The following NFKB2 variants were observed in gnomAD, a reference collection of about 807,000 sequenced individuals.
The protein encoded by NFKB2 is nuclear factor kappa B subunit 2, also known as nuclear factor NF-kappa-B p100 subunit.
Under a neutral mutation model 109.3 loss-of-function variants are expected in NFKB2, and 21 were observed. The observed-to-expected ratio is 0.19, with a 90% CI of 0.14 to 0.28. The LOEUF (loss-of-function observed/expected upper bound fraction) is 0.28, where lower values mean the gene tolerates loss of function less well. Among genes scored for constraint, NFKB2 ranks in the 10% least tolerant of loss-of-function variants. The pLI is 1.00. For synonymous variants in NFKB2, 478 were observed against 489.9 expected (o/e 0.98, Z 0.32); for missense variants, 806 against 1,185.3 (o/e 0.68, Z 4.70).
In NFKB2 at chr10:102,401,396, C is replaced by G; in HGVS notation, c.2224-53C>G. The G allele has an allele frequency of 6.2e-7, 1 of 1,613,344 alleles. No homozygotes were observed. The highest frequency in any genetic ancestry group is 2.2e-5 in the East Asian group (1 of 44,868). On this transcript the variant is annotated intron_variant, in intron 19 of 22. Transcript: ENST00000661543. This position sits in a 1 kb window ranked among gnomAD's most constrained non-coding sequence, Gnocchi z 4.2. ...GGTCCAGAGTATCTGGACTTAAAGA[C>G]ACAGGCTTAAGGACGAGGTGGGAGG...
chr10:102,396,028 T>TGG lies in NFKB2; in HGVS notation c.21+49_21+50insGG. 1 of 1,609,858 alleles carries TGG rather than the reference T, an allele frequency of 6.2e-7. No individual in the cohort carries two copies. Among genetic ancestry groups the TGG allele is most frequent in the Non-Finnish European group, 8.5e-7 (1 of 1,179,142 alleles). On this transcript the variant is annotated intron_variant, in intron 2 of 22. Coordinates refer to ENST00000661543, the MANE Select transcript of NFKB2 (RefSeq NM_001322934.2). The surrounding 1 kb of genome is among the most constrained non-coding windows in gnomAD (Gnocchi z 5.9). Reference sequence around the variant, plus strand: ...GACCCGGCCGGCTGCCCCTCGTGTCTGTCCACCTGTCTGCCCGAGCCCCCT... The same window carrying TGG: ...GACCCGGCCGGCTGCCCCTCGTGTCTGGGTCCACCTGTCTGCCCGAGCCCCCT...
chr10:102,398,480 C>T lies in NFKB2; in HGVS notation c.948C>T (p.Asp316=), dbSNP rs901851623. ...AACTGAAACGCAAGCGAGGAGGGGA[C>T]GTGTCTGATTCCAAACAGTTCACCT... ...FLQLKRKRGG[D]VSDSKQFTYY... The change falls in exon 11 of 23, where the codon GAC becomes GAT. Residue 316 remains aspartate, a synonymous_variant. Transcript: ENST00000661543. This position sits in a 1 kb window ranked among gnomAD's most constrained non-coding sequence, Gnocchi z 6.6. 6 of 1,613,960 alleles carry T rather than the reference C, an allele frequency of 3.7e-6. No homozygotes were observed. Among genetic ancestry groups the T allele is most frequent in the Admixed American group, 1.7e-5 (1 of 59,994 alleles).
Position 102,397,707 on chromosome 10 carries a change from G to C in NFKB2, c.661+22G>C, listed in dbSNP as rs2061142391. On this transcript the variant is annotated intron_variant, in intron 8 of 22. Coordinates refer to ENST00000661543, the MANE Select transcript of NFKB2 (RefSeq NM_001322934.2). This position sits in a 1 kb window ranked among gnomAD's most constrained non-coding sequence, Gnocchi z 4.7. ...AGCAGTGAGTATCCTGATTGCCTGGGGTGCCAGGCCTGGTGGCAGAGGTGG... is the reference window on the plus strand; with the variant it reads ...AGCAGTGAGTATCCTGATTGCCTGGCGTGCCAGGCCTGGTGGCAGAGGTGG... 1.3e-6 allele frequency: 2 copies of C among 1,594,298 alleles called. No individual in the cohort carries two copies. The highest frequency in any genetic ancestry group is 2.3e-5 in the East Asian group (1 of 44,344).
rs1180937715 is a variant in NFKB2, at chr10:102,399,847, T to TCAAGCTGCTTGGTCTCTC, written c.1469+133_1469+150dup. 7.8e-5 allele frequency: 106 copies of TCAAGCTGCTTGGTCTCTC among 1,356,306 alleles called. No individual in the cohort carries two copies. In the East Asian group the frequency reaches 2.4e-3, roughly 31 times the overall value. The allele number at this position is 1,356,306 out of a possible 1,614,324, so 84.0% of individuals were successfully genotyped here. ...CGGCCTCGGTGTTCACAAGCTCTGT[T>TCAAGCTGCTTGGTCTCTC]CAAGCTGCTTGGTCTCTCCAAACTT... On this transcript the variant is annotated intron_variant, in intron 14 of 22. Transcript: ENST00000661543.
Position 102,401,049 on chromosome 10 carries a change from G to C in NFKB2, c.2071G>C (p.Gly691Arg). Residue 691 changes from glycine to arginine, a missense_variant and splice_region_variant, in exon 18 of 23, where the codon GGT (glycine) becomes CGT (arginine). Physicochemically the swap from Gly to Arg is moderately radical, Grantham distance 125. Coordinates refer to ENST00000661543, the MANE Select transcript of NFKB2 (RefSeq NM_001322934.2). The surrounding 1 kb of genome is among the most constrained non-coding windows in gnomAD (Gnocchi z 4.2). The stretch of plus-strand genomic sequence containing the variant: ...CCTCACCCGCCTCCTTCTGAAGGCT[G>C]GTCAGTCTCACCCTCAGGGGCACTT... ...PTLTRLLLKA[G>R]ADIHAENEEP... 1.2e-6 allele frequency: 2 copies of C among 1,614,074 alleles called. No homozygotes were observed. The highest frequency in any genetic ancestry group is 1.7e-6 in the Non-Finnish European group (2 of 1,179,974).
In NFKB2 at chr10:102,400,112, C is replaced by T; in HGVS notation, c.1502C>T (p.Thr501Ile). 1 of 1,614,100 alleles carries T rather than the reference C, an allele frequency of 6.2e-7. No individual in the cohort carries two copies. The highest frequency in any genetic ancestry group is 8.5e-7 in the Non-Finnish European group (1 of 1,180,004). Residue 501 changes from threonine (T) to isoleucine (I), a missense_variant, in exon 15 of 23, where the codon ACC becomes ATC. This residue lies in a region of NFKB2 where 163 missense variants were observed against 207.1 expected (regional missense o/e 0.79). Coordinates refer to ENST00000661543, the MANE Select transcript of NFKB2 (RefSeq NM_001322934.2). This position sits in a 1 kb window ranked among gnomAD's most constrained non-coding sequence, Gnocchi z 6.3. ...PLHLAIIHGQ[T>I]SVIEQIVYVI... The stretch of plus-strand genomic sequence containing the variant: ...CACCTAGCCATCATCCACGGGCAGA[C>T]CAGTGTCATTGAGCAGATAGTCTAT...
chr10:102,400,977 G>A lies in NFKB2; in HGVS notation c.1999G>A (p.Ala667Thr). 1 of 1,613,908 alleles carries A rather than the reference G, an allele frequency of 6.2e-7. No homozygotes were observed. The highest frequency in any genetic ancestry group is 8.5e-7 in the Non-Finnish European group (1 of 1,179,934). Reference sequence around the variant, plus strand: ...GGCCAACGTGAACGCTCGCACCTTTGCGGGAAACACACCCCTGCACCTGGC... The same window carrying A: ...GGCCAACGTGAACGCTCGCACCTTTACGGGAAACACACCCCTGCACCTGGC... ...LRANVNARTFAGNTPLHLAAG... is the reference protein window; with the variant it reads ...LRANVNARTFTGNTPLHLAAG... Residue 667 changes from alanine to threonine, a missense_variant, in exon 18 of 23, where the codon GCG (alanine) becomes ACG (threonine). Coordinates refer to ENST00000661543, the MANE Select transcript of NFKB2 (RefSeq NM_001322934.2). This position sits in a 1 kb window ranked among gnomAD's most constrained non-coding sequence, Gnocchi z 6.3.
Position 102,397,813 on chromosome 10 carries a change from C to A in NFKB2, c.661+128C>A. 2 of 1,318,644 alleles carry A rather than the reference C, an allele frequency of 1.5e-6. No homozygotes were observed. The highest frequency in any genetic ancestry group is 1.1e-6 in the Non-Finnish European group (1 of 943,304). 81.7% of individuals were successfully genotyped at this position (1,318,644 alleles called of 1,614,324 possible). ...CCCTGCCACATATGAGCTGAGTGATCCTGAGCAAGTCATTTCCCCCCCGAA... is the reference window on the plus strand; with the variant it reads ...CCCTGCCACATATGAGCTGAGTGATACTGAGCAAGTCATTTCCCCCCCGAA... On this transcript the variant is annotated intron_variant, in intron 8 of 22. Transcript: ENST00000661543. The surrounding 1 kb of genome is among the most constrained non-coding windows in gnomAD (Gnocchi z 4.7).
Position 102,401,625 on chromosome 10 carries a change from G to A in NFKB2, c.2293+107G>A, listed in dbSNP as rs924523965. ...CCTCCCTTTCTCTACCCTCAGCCCC[G>A]TCCATCACCCCTCATGGTCCTGTCT... On this transcript the variant is annotated intron_variant, in intron 20 of 22. Coordinates refer to ENST00000661543, the MANE Select transcript of NFKB2 (RefSeq NM_001322934.2). This position sits in a 1 kb window ranked among gnomAD's most constrained non-coding sequence, Gnocchi z 4.2. 14 of 1,522,916 alleles carry A rather than the reference G, an allele frequency of 9.2e-6. No individual in the cohort carries two copies. The highest frequency in any genetic ancestry group is 6.9e-5 in the African/African-American group (5 of 72,922). The allele number at this position is 1,522,916 out of a possible 1,614,324, so 94.3% of individuals were successfully genotyped here. A position where few individuals can be genotyped will look rare whatever the true frequency, so the allele number is the denominator to read the frequency against.
chr10:102,402,355 C>T lies in NFKB2; in HGVS notation c.2682C>T (p.His894=), dbSNP rs1393546647. 2.0e-5 allele frequency: 31 copies of T among 1,553,044 alleles called. No individual in the cohort carries two copies. The highest frequency in any genetic ancestry group is 2.7e-5 in the Non-Finnish European group (31 of 1,150,280). The change falls in exon 23 of 23, where the codon CAC becomes CAT. Residue 894 remains histidine, a synonymous_variant. Transcript: ENST00000661543. ...CACCAGGAGGGCTCTGCCACGGGCA[C>T]CCCCAGCCTCAGGTGCACTGACCTG... ...PEPPGGLCHG[H]PQPQVH
chr10:102,398,636 C>G lies in NFKB2; in HGVS notation c.992-103C>G, dbSNP rs1407611555. On this transcript the variant is annotated intron_variant, in intron 11 of 22. Transcript: ENST00000661543. This position sits in a 1 kb window ranked among gnomAD's most constrained non-coding sequence, Gnocchi z 6.6. ...GAGCCAAGTCAGAAGTGCGAGGGTCCCAGGAGGTGCTTCCTAGGAGCCGGC... is the reference window on the plus strand; with the variant it reads ...GAGCCAAGTCAGAAGTGCGAGGGTCGCAGGAGGTGCTTCCTAGGAGCCGGC... The G allele has an allele frequency of 6.2e-7, 1 of 1,610,234 alleles. No individual in the cohort carries two copies. Among genetic ancestry groups the G allele is most frequent in the East Asian group, 2.2e-5 (1 of 44,840 alleles).
Position 102,401,158 on chromosome 10 carries a change from C to T in NFKB2, c.2072-22C>T. The T allele has an allele frequency of 1.3e-6, 2 of 1,592,346 alleles. No individual in the cohort carries two copies. The highest frequency in any genetic ancestry group is 1.7e-6 in the Non-Finnish European group (2 of 1,165,874). The stretch of plus-strand genomic sequence containing the variant: ...AATGTAGGCCCCCACCATACCGCCC[C>T]ATGACGGCCTCCCTCTCCCAGGTGC... On this transcript the variant is annotated intron_variant, in intron 18 of 22. Coordinates refer to ENST00000661543, the MANE Select transcript of NFKB2 (RefSeq NM_001322934.2). This position sits in a 1 kb window ranked among gnomAD's most constrained non-coding sequence, Gnocchi z 4.2.
Position 102,396,645 on chromosome 10 carries a change from G to A in NFKB2, c.145-80G>A. On this transcript the variant is annotated intron_variant, in intron 4 of 22. Transcript: ENST00000661543. The surrounding 1 kb of genome is among the most constrained non-coding windows in gnomAD (Gnocchi z 5.9). ...TCAGAGTGCTGTAGTTTGGTTCAGG[G>A]CTACTACCAGGCACTGCGGTCACTG... 4 of 1,557,996 alleles carry A rather than the reference G, an allele frequency of 2.6e-6. No homozygotes were observed.
chr10:102,397,913 G>A lies in NFKB2; in HGVS notation c.662-68G>A. 16 of 1,513,912 alleles carry A rather than the reference G, an allele frequency of 1.1e-5. No homozygotes were observed. Among genetic ancestry groups the A allele is most frequent in the Non-Finnish European group, 1.3e-5 (14 of 1,091,628 alleles). 93.8% of individuals were successfully genotyped at this position (1,513,912 alleles called of 1,614,324 possible). A position where few individuals can be genotyped will look rare whatever the true frequency, so the allele number is the denominator to read the frequency against. On this transcript the variant is annotated intron_variant, in intron 8 of 22. Coordinates refer to ENST00000661543, the MANE Select transcript of NFKB2 (RefSeq NM_001322934.2). This position sits in a 1 kb window ranked among gnomAD's most constrained non-coding sequence, Gnocchi z 4.7. ...GGGTTGCTGAGATAAGGAATACAAA[G>A]CCCCCAGCTTCTTAAATGTGGCCTT... is the stretch of plus-strand genomic sequence containing the variant.
chr10:102,400,274 C>G lies in NFKB2; in HGVS notation c.1585-4C>G. The G allele has an allele frequency of 6.2e-7, 1 of 1,614,070 alleles. No homozygotes were observed. Among genetic ancestry groups the G allele is most frequent in the Admixed American group, 1.7e-5 (1 of 60,020 alleles). On this transcript the variant is annotated splice_polypyrimidine_tract_variant and splice_region_variant and intron_variant, in intron 15 of 22. Transcript: ENST00000661543. The surrounding 1 kb of genome is among the most constrained non-coding windows in gnomAD (Gnocchi z 6.3). The stretch of plus-strand genomic sequence containing the variant: ...GGCCTGGCTCACCCTGCTTTCATCC[C>G]CAGACGCCCCTGCACCTGGCGGTGA...
In NFKB2 at chr10:102,397,833, C is replaced by T. The variant is rs1465447517; in HGVS notation, c.661+148C>T. On this transcript the variant is annotated intron_variant, in intron 8 of 22. Transcript: ENST00000661543. This position sits in a 1 kb window ranked among gnomAD's most constrained non-coding sequence, Gnocchi z 4.7. ...GTGATCCTGAGCAAGTCATTTCCCC[C>T]CCGAAGCTTCTGTCTTTAGTAAATG... 7.9e-7 allele frequency: 1 copy of T among 1,268,444 alleles called. No individual in the cohort carries two copies. 78.6% of individuals were successfully genotyped at this position (1,268,444 alleles called of 1,614,324 possible).
chr10:102,398,364 G>A lies in NFKB2; in HGVS notation c.853-21G>A. 1 of 1,613,992 alleles carries A rather than the reference G, an allele frequency of 6.2e-7. No individual in the cohort carries two copies. Among genetic ancestry groups the A allele is most frequent in the South Asian group, 1.1e-5 (1 of 91,070 alleles). On this transcript the variant is annotated intron_variant, in intron 10 of 22. Coordinates refer to ENST00000661543, the MANE Select transcript of NFKB2 (RefSeq NM_001322934.2). This position sits in a 1 kb window ranked among gnomAD's most constrained non-coding sequence, Gnocchi z 6.6. ...TAGGCTAAGGACTCACTGACACCCT[G>A]TGTCTCCCTGCACCCCCCAGTATGC...
chr10:102,394,760 A>G (rs2061069848), upstream of NFKB2: 1 of 152,580 alleles, frequency 6.6e-6, no homozygotes, highest in Non-Finnish European at 1.5e-5. Context: ...CCGTTGTACA[A>G]AGATACGCGG....
At position 102,399,286 on chromosome 10, in the gene NFKB2, A is replaced by T; in HGVS notation, c.1118-2A>T. On this transcript the variant is annotated splice_acceptor_variant, in intron 12 of 22. Transcript: ENST00000661543. LOFTEE classifies it high-confidence loss of function. ...TTCCCACAGCCCTGCCTGTATCCAC[A>T]GGTGGCAGCCTCGGTTTCTTCCCCT... is the stretch of plus-strand genomic sequence containing the variant. 6.3e-7 allele frequency: 1 copy of T among 1,591,334 alleles called. No homozygotes were observed.
Sources: gnomAD v4.1 joint callset for allele counts on GRCh38, gnomAD v4.1.1 for gene constraint, gnomAD v4.1.1 regional missense constraint, Gnocchi (gnomAD v3.1) non-coding constraint, MANE v1.5 for transcripts, NCBI Gene and HGNC (gene_info 2026-07-23, HGNC 2026-07-21) for gene names.